Variants in GSE1 observed in about 807,000 individuals in gnomAD.
GSE1 encodes genetic suppressor element 1.
In GSE1, 32 loss-of-function variants were observed where a neutral mutation model predicts 112.6. The observed-to-expected ratio is 0.28, with a 90% confidence interval of 0.21 to 0.38. GSE1 has a LOEUF of 0.38. Among genes scored for constraint, GSE1 ranks in the 10% least tolerant of loss-of-function variants. The pLI is 1.00. For synonymous variants in GSE1, 1,115 were observed against 735.6 expected, an observed-to-expected ratio of 1.52 and a Z score of -8.35; for missense variants, 2,348 against 1,699.2, an observed-to-expected ratio of 1.38 and a Z score of -6.71.
chr16:85,327,742 A>G (rs1394450520), intron 1 of GSE1, among the ~76,000 whole-genome samples: 2 of 152,258 alleles, frequency 1.3e-5, no homozygotes, highest in Non-Finnish European at 2.9e-5. Flanking sequence ...TAGAGGGTCA[A>G]GACTGCATGG....
At chr16:85,187,510 C>T (rs974654938) in intron 1 of GSE1, among the ~76,000 whole-genome samples, 4 of 152,276 alleles carry the variant, frequency 2.6e-5, no homozygotes, top group African/African-American at 9.6e-5. Flanking sequence ...TCACCTGGCT[C>T]TCCAGCCATC....
chr16:85,668,803 C>G (rs915317317), intron 14 of GSE1, among the ~76,000 whole-genome samples: 3 of 152,258 alleles, frequency 2.0e-5, no homozygotes, highest in African/African-American at 4.8e-5. Flanking sequence ...ACTGCTCCAG[C>G]ATGCCTCTTG....
intron 3 of GSE1, among the ~76,000 whole-genome samples, chr16:85,651,247 C>T (rs897396181): frequency 3.9e-5 from 6 of 151,990 alleles, no homozygotes; most frequent in South Asian, 2.1e-4. Flanking sequence ...CCGAGCCTGC[C>T]GGGCCTTGCC....
At chr16:85,546,805 G>A (rs1000897253) in intron 2 of GSE1, among the ~76,000 whole-genome samples, 18 of 152,360 alleles carry the variant, frequency 1.2e-4, no homozygotes, top group South Asian at 4.1e-4. Flanking sequence ...GGCCACCAGG[G>A]ATTCTTGTCG....
chr16:85,276,885 G>A (rs907025129), intron 1 of GSE1, among the ~76,000 whole-genome samples: 1 of 152,240 alleles, frequency 6.6e-6, no homozygotes, highest in East Asian at 1.9e-4. Flanking sequence ...GCACGGTCAA[G>A]TTAGAGAACC....
upstream of GSE1, among the ~76,000 whole-genome samples, chr16:85,554,039 C>A (rs1422460800): frequency 6.6e-6 from 1 of 152,118 alleles, no homozygotes; most frequent in African/African-American, 2.4e-5. Context: ...AAAAGGTGAC[C>A]CCTTAGTGTC....
In GSE1 at chr16:85,616,274, C is replaced by T. The variant is rs529717958; in HGVS notation, c.7+2876C>T. The stretch of plus-strand genomic sequence containing the variant: ...AGGCGGACTGGGGGGCCTTTGGGCT[C>T]GGAGCCCCGAGCTGAGGGGCAGGAG... On this transcript the variant is annotated intron_variant, in intron 1 of 15. Coordinates refer to ENST00000253458, the MANE Select transcript of GSE1 (RefSeq NM_014615.5). 5.3e-5 allele frequency among the ~76,000 whole-genome samples: 8 copies of T among 152,356 alleles called. No homozygotes were observed. The South Asian group carries it at 1.7e-3, about 32-fold the overall frequency.
chr16:85,194,801 T>C (rs1214571814), intron 1 of GSE1, among the ~76,000 whole-genome samples: 2 of 152,144 alleles, frequency 1.3e-5, no homozygotes, highest in Non-Finnish European at 2.9e-5. Context: ...GAATCTGAAG[T>C]TCTGCTGCCA....
At chr16:85,579,087 C>T (rs1161303655) in intron 1 of GSE1, among the ~76,000 whole-genome samples, 5 of 152,116 alleles carry the variant, frequency 3.3e-5, no homozygotes, top group African/African-American at 1.2e-4. Flanking sequence ...TGCCCTTAGG[C>T]CTAAATAGTC....
exon 1 of GSE1, chr16:85,556,059 C>T (rs2045194236): frequency 1.0e-6 from 1 of 985,006 alleles, no homozygotes. Flanking sequence ...CGTCAATTAC[C>T]TCATTGTGGA....
intron 1 of GSE1, among the ~76,000 whole-genome samples, chr16:85,177,161 C>T (rs1435494062): frequency 1.3e-5 from 2 of 152,354 alleles, no homozygotes; most frequent in East Asian, 3.9e-4. Flanking sequence ...AAAACTCGGC[C>T]TCCCCTGGAA....
chr16:85,300,332 A>G (rs570602063), intron 1 of GSE1, among the ~76,000 whole-genome samples: 18 of 152,272 alleles, frequency 1.2e-4, no homozygotes, highest in African/African-American at 4.1e-4. Context: ...ATTTTTAAGT[A>G]TACACCTCAG....
chr16:85,407,750 A>G (rs1269560799), intron 2 of GSE1, among the ~76,000 whole-genome samples: 1 of 15,286 alleles, frequency 6.5e-5, no homozygotes, highest in Non-Finnish European at 1.2e-4. Flanking sequence ...GATAATCCTC[A>G]TTGTTACACT....
At chr16:85,639,731 A>G (rs1278387474) in intron 2 of GSE1, among the ~76,000 whole-genome samples, 1 of 152,228 alleles carries the variant, frequency 6.6e-6, no homozygotes, top group Non-Finnish European at 1.5e-5. Flanking sequence ...TGCAGAGGGC[A>G]GGCCGTGGAG....
Position 85,214,580 on chromosome 16 carries a change from G to A in GSE1, c.2283+42773G>A, listed in dbSNP as rs1018744589. Among the ~76,000 whole-genome samples the A allele has an allele frequency of 4.6e-4, 70 of 152,258 alleles. 1 individual carries two copies. The highest frequency in any genetic ancestry group is 1.6e-3 in the African/African-American group (65 of 41,568). On this transcript the variant is annotated intron_variant, in intron 1 of 2. Coordinates refer to the GSE1 transcript ENST00000637419. ...AGACTTCTCCTAACCGAACTGCACC[G>A]AGAATGACTTTCTGAGGTTTTAAGC... is the stretch of plus-strand genomic sequence containing the variant.
chr16:85,222,465 A>G (rs898466804), intron 1 of GSE1, among the ~76,000 whole-genome samples: 1 of 152,142 alleles, frequency 6.6e-6, no homozygotes, highest in Non-Finnish European at 1.5e-5. Context: ...TTGAGTTAGG[A>G]GTTCTCCAAG....
intron 2 of GSE1, among the ~76,000 whole-genome samples, chr16:85,396,172 C>T (rs1270879934): frequency 2.0e-5 from 3 of 152,200 alleles, no homozygotes; most frequent in Non-Finnish European, 2.9e-5. Flanking sequence ...TCAGCAGGCC[C>T]GTCCTTCCTT....
At chr16:85,181,863 A>G (rs544323168) in intron 1 of GSE1, among the ~76,000 whole-genome samples, 3 of 152,188 alleles carry the variant, frequency 2.0e-5, no homozygotes, top group Non-Finnish European at 4.4e-5. Flanking sequence ...TCCCGAGAGC[A>G]TGGCGGGGCC....
intron 1 of GSE1, among the ~76,000 whole-genome samples, chr16:85,352,026 T>A (rs2046861090): frequency 6.6e-6 from 1 of 151,934 alleles, no homozygotes; most frequent in African/African-American, 2.4e-5. Context: ...CCAAATAGAC[T>A]GGGGATCCCA....
Sources: allele counts gnomAD v4.1 joint callset (sites outside exome capture counted in the v4.1 genomes callset), GRCh38; gene constraint gnomAD v4.1.1; transcripts MANE v1.5; gene names NCBI Gene and HGNC (gene_info 2026-07-23, HGNC 2026-07-21).